The following NLRC5 variants were observed in gnomAD, a reference collection of about 807,000 sequenced individuals.
The protein encoded by NLRC5 is protein NLRC5.
Under a neutral mutation model 206.9 loss-of-function variants are expected in NLRC5, and 114 were observed. The ratio of observed to expected loss-of-function variants is 0.55; its 90% CI spans 0.47 to 0.64. The LOEUF (loss-of-function observed/expected upper bound fraction) is 0.64, where lower values mean the gene tolerates loss of function less well. Among genes scored for constraint, NLRC5 ranks in the 30% least tolerant of loss-of-function variants. The pLI is 0.00. For synonymous variants in NLRC5, 952 were observed against 962.8 expected, an observed-to-expected ratio of 0.99 and a Z score of 0.21; for missense variants, 2,008 against 2,305.5, an observed-to-expected ratio of 0.87 and a Z score of 2.64.
rs1483190404 is a variant in NLRC5, at chr16:57,039,816, A to C, written c.2837A>C (p.Gln946Pro). 4 of 1,614,178 alleles carry C rather than the reference A, an allele frequency of 2.5e-6. No homozygotes were observed. The East Asian group carries it at 8.9e-5, about 36-fold the overall frequency. ...QHKTVIFMFA[Q>P]EPEEQKGPQE... Reference sequence around the variant, plus strand: ...AAAACTGTGATCTTCATGTTTGCCCAGGAGCCAGAGGAGCAGAAGGGGCCC... The same window carrying C: ...AAAACTGTGATCTTCATGTTTGCCCCGGAGCCAGAGGAGCAGAAGGGGCCC... Residue 946 changes from glutamine (Q) to proline (P), a missense_variant, in exon 16 of 49, where the codon CAG becomes CCG. Gln to Pro is a moderately conservative substitution (Grantham distance 76). Transcript: ENST00000688547.
intron 36 of NLRC5, among the ~76,000 whole-genome samples, chr16:57,068,282 T>C (rs2067273816): frequency 6.6e-6 from 1 of 151,902 alleles, no homozygotes; most frequent in Non-Finnish European, 1.5e-5. Context: ...TACAAAAAAA[T>C]TAGCTGGGCA....
chr16:57,075,332 G>A (rs2068265911), intron 39 of NLRC5, among the ~76,000 whole-genome samples: 1 of 152,186 alleles, frequency 6.6e-6, no homozygotes, highest in African/African-American at 2.4e-5. Flanking sequence ...CGATTCTCCT[G>A]CCTCAGCCTC....
chr16:57,058,327 C>G, intron 28 of NLRC5, 179 bp downstream of exon 28: 1 of 593,214 alleles, frequency 1.7e-6, no homozygotes, highest in South Asian at 2.0e-5. Context: ...TTTCCTCTGT[C>G]CCTCACACCC....
chr16:57,075,005 C>CTTTT lies in NLRC5; in HGVS notation c.4751+361_4751+364dup, dbSNP rs77796033. 1.0e-3 allele frequency among the ~76,000 whole-genome samples: 58 copies of CTTTT among 58,102 alleles called. 21 individuals are homozygous for CTTTT. Among genetic ancestry groups the CTTTT allele is most frequent in the African/African-American group, 1.3e-3 (19 of 14,294 alleles). The allele number at this position is 58,102 out of a possible 152,430, so 38.1% of individuals were successfully genotyped here. On this transcript the variant is annotated intron_variant, in intron 39 of 48. Transcript: ENST00000688547. ...GGTCTGGAATTCTGCCTAGACTGTG[C>CTTTT]TTTTTTTTTTTTTTTTTTTTTTTTT...
intron 29 of NLRC5, 121 bp downstream of exon 29, chr16:57,059,182 C>T: frequency 6.3e-7 from 1 of 1,579,804 alleles, no homozygotes; most frequent in South Asian, 1.1e-5. Flanking sequence ...CTTGGAGCAA[C>T]CTCTGCCTTT....
chr16:57,065,083 A>G (rs894856223), intron 32 of NLRC5, 129 bp from the exon 33 acceptor site: 10 of 441,502 alleles, frequency 2.3e-5, no homozygotes, highest in Non-Finnish European at 2.7e-5. Context: ...TATAGTTTTA[A>G]AATGAGCAAA....
At chr16:57,045,841 C>G (rs560549658) in intron 21 of NLRC5, among the ~76,000 whole-genome samples, 1 of 152,208 alleles carries the variant, frequency 6.6e-6, no homozygotes, top group Non-Finnish European at 1.5e-5. Context: ...GTAGACCCAC[C>G]GCTCCATACA....
At chr16:57,033,458 G>C in intron 11 of NLRC5, 146 bp from the exon 12 acceptor site, 1 of 703,530 alleles carries the variant, frequency 1.4e-6, no homozygotes, top group East Asian at 2.6e-5. Context: ...ATCACATCTT[G>C]AGCATCTGCA....
intron 38 of NLRC5, among the ~76,000 whole-genome samples, chr16:57,073,085 T>C (rs994647673): frequency 1.3e-5 from 2 of 152,180 alleles, no homozygotes; most frequent in African/African-American, 4.8e-5. Context: ...AGTGAGGTCA[T>C]TCATTGGCTC....
intron 40 of NLRC5, 127 bp from the exon 41 acceptor site, chr16:57,077,169 G>C (rs2068505874): frequency 1.2e-6 from 1 of 818,210 alleles, no homozygotes; most frequent in Admixed American, 2.1e-5. Context: ...ACTCAACATG[G>C]GGTGATGGGG....
chr16:57,066,352 C>T (rs559538160), intron 33 of NLRC5, among the ~76,000 whole-genome samples, 182 bp from the exon 34 acceptor site: 3 of 151,926 alleles, frequency 2.0e-5, no homozygotes, highest in Admixed American at 1.3e-4. Context: ...AAAGGCACTA[C>T]TTGGGGTATT....
In NLRC5 at chr16:57,025,413, A is replaced by G. The variant is rs1323776655; in HGVS notation, c.470A>G (p.Gln157Arg). Reference protein sequence around the residue: ...YLQLLRTSAQQRYRSQIPGSG... With the variant: ...YLQLLRTSAQRRYRSQIPGSG... ...CAGCTCCTGCGGACCTCTGCCCAGC[A>G]GCGCTACAGGAGCCAAATCCCTGGG... The change falls in exon 6 of 49, where the codon CAG (glutamine) becomes CGG (arginine). Residue 157 changes from glutamine to arginine, a missense_variant. Gln to Arg is a conservative substitution (Grantham distance 43, BLOSUM62 1). Coordinates refer to ENST00000688547, the MANE Select transcript of NLRC5 (RefSeq NM_001384950.1). 1 of 1,567,272 alleles carries G rather than the reference A, an allele frequency of 6.4e-7. No individual in the cohort carries two copies. Among genetic ancestry groups the G allele is most frequent in the East Asian group, 2.2e-5 (1 of 44,578 alleles).
chr16:57,010,911 A>G (rs1333751343), intron 1 of NLRC5, among the ~76,000 whole-genome samples: 3 of 152,074 alleles, frequency 2.0e-5, no homozygotes, highest in Admixed American at 6.5e-5. Context: ...TTTAAAAAAA[A>G]ATCAAAATGT....
In NLRC5 at chr16:57,026,001, C is replaced by G. The variant is rs1248468664; in HGVS notation, c.1058C>G (p.Ala353Gly). The G allele has an allele frequency of 3.1e-6, 5 of 1,614,052 alleles. No individual in the cohort carries two copies. Among genetic ancestry groups the G allele is most frequent in the Middle Eastern group, 1.6e-4 (1 of 6,062 alleles). ...ACCTCCCGTCCAGGGAAGCTGCCTG[C>G]CTGCCTGCCTGCAGAGGCAGCCATG... ...MATSRPGKLP[A>G]CLPAEAAMVH... is the part of the protein sequence containing the mutation. Residue 353 changes from alanine to glycine, a missense_variant, in exon 6 of 49, where the codon GCC (alanine) becomes GGC (glycine). Transcript: ENST00000688547.
chr16:57,014,827 G>A (rs2059865003), intron 1 of NLRC5, among the ~76,000 whole-genome samples: 2 of 152,314 alleles, frequency 1.3e-5, no homozygotes, highest in South Asian at 4.1e-4. Context: ...TGTCTGGAGA[G>A]GATGCGCTTC....
At chr16:56,994,694 G>A (rs751831619) in intron 1 of NLRC5, among the ~76,000 whole-genome samples, 1 of 152,048 alleles carries the variant, frequency 6.6e-6, no homozygotes, top group Non-Finnish European at 1.5e-5. Flanking sequence ...ATGGGCCATG[G>A]CATCTGGAGG....
intron 1 of NLRC5, among the ~76,000 whole-genome samples, chr16:57,005,491 T>C (rs1333415273): frequency 1.6e-5 from 1 of 62,966 alleles, no homozygotes; most frequent in African/African-American, 5.7e-5. Flanking sequence ...GGACCTCATC[T>C]TAATATTAAA....
intron 28 of NLRC5, chr16:57,058,490 A>G (rs1229732123): frequency 1.3e-5 from 5 of 390,890 alleles, no homozygotes; most frequent in Non-Finnish European, 2.4e-5. Flanking sequence ...CTCCTGGTCC[A>G]TCCCGTCCCT....
intron 5 of NLRC5, among the ~76,000 whole-genome samples, chr16:57,024,356 T>C (rs1165997258): frequency 1.3e-5 from 2 of 152,224 alleles, no homozygotes; most frequent in Non-Finnish European, 2.9e-5. Context: ...GTTCTCAGAA[T>C]GGTCCTCGTT....
Sources: gnomAD v4.1 joint callset for allele counts (sites outside exome capture counted in the v4.1 genomes callset) on GRCh38, gnomAD v4.1.1 for gene constraint, MANE v1.5 for transcripts, NCBI Gene and HGNC (gene_info 2026-07-23, HGNC 2026-07-21) for gene names.